The following LGSN variants were observed in gnomAD, a reference collection of about 807,000 sequenced individuals.
LGSN encodes lengsin, lens protein with glutamine synthetase domain, also known as lengsin.
Under a neutral mutation model 19.5 loss-of-function variants are expected in LGSN, and 21 were observed. The ratio of observed to expected loss-of-function variants is 1.07; its 90% CI spans 0.76 to 1.55. The LOEUF is 1.55. Among genes scored for constraint, LGSN ranks in the 40% most tolerant of loss-of-function variants. The pLI is 0.00. For missense variants in LGSN, 673 were observed against 608.5 expected (o/e 1.11, Z -1.12); for synonymous variants, 257 against 215.6 (o/e 1.19, Z -1.68).
the LGSN span, among the ~76,000 whole-genome samples, chr6:63,450,297 G>T: frequency 6.6e-6 from 1 of 151,678 alleles, no homozygotes; most frequent in Admixed American, 6.6e-5. Context: ...GGGAGGCAAA[G>T]GTTGCAGTGA....
chr6:63,505,816 C>T, the LGSN span, among the ~76,000 whole-genome samples: 81,360 of 151,822 alleles, frequency 0.54, 23,621 homozygotes, highest in African/African-American at 0.77. Context: ...TGCACCACCA[C>T]GCCCGGCTAA....
the LGSN span, among the ~76,000 whole-genome samples, chr6:63,478,666 G>A: frequency 0.012 from 1,883 of 152,182 alleles, 33 homozygotes; most frequent in African/African-American, 0.042. Context: ...TCATATAGAC[G>A]ATCATCAGTT....
intron 1 of LGSN, among the ~76,000 whole-genome samples, chr6:63,301,956 A>G (rs1358145406): frequency 6.6e-6 from 1 of 152,162 alleles, no homozygotes; most frequent in Non-Finnish European, 1.5e-5. Context: ...AACCTTTGGC[A>G]TATTTGATAG....
At position 63,277,865 on chromosome 6, in the gene LGSN, A is replaced by G. The variant is rs1383900486; in HGVS notation, c.*2156T>C. The G allele has an allele frequency of 6.6e-6, 1 of 152,304 alleles. No individual in the cohort carries two copies. Among genetic ancestry groups the G allele is most frequent in the Non-Finnish European group, 1.5e-5 (1 of 68,168 alleles). 9.4% of individuals were successfully genotyped at this position (152,304 alleles called of 1,614,324 possible). A position where few individuals can be genotyped will look rare whatever the true frequency, so the allele number is the denominator to read the frequency against. ...TTTGGGAGGCCAAGGCAGGCTGATCACCTGAGTTCAGGAGTTCAAGACCAG... is the reference window on the plus strand; with the variant it reads ...TTTGGGAGGCCAAGGCAGGCTGATCGCCTGAGTTCAGGAGTTCAAGACCAG... On this transcript the variant is annotated 3_prime_UTR_variant, in exon 4 of 4. Coordinates refer to ENST00000370657, the MANE Select transcript of LGSN (RefSeq NM_016571.3).
chr6:63,512,554 C>T, the LGSN span, among the ~76,000 whole-genome samples: 6 of 152,174 alleles, frequency 3.9e-5, no homozygotes, highest in Admixed American at 2.6e-4. Context: ...GAATTAGCTC[C>T]GTTGGCCACA....
At chr6:63,467,059 G>T in the LGSN span, among the ~76,000 whole-genome samples, 3 of 152,078 alleles carry the variant, frequency 2.0e-5, no homozygotes, top group African/African-American at 7.2e-5. Flanking sequence ...ATTCAGGTCG[G>T]AGGACTGAGC....
chr6:63,381,045 C>A, the LGSN span, among the ~76,000 whole-genome samples: 1 of 151,960 alleles, frequency 6.6e-6, no homozygotes, highest in South Asian at 2.1e-4. Context: ...AAACAAAATA[C>A]ACAAAAATTA....
At chr6:63,327,799 C>G in the LGSN span, among the ~76,000 whole-genome samples, 1 of 152,024 alleles carries the variant, frequency 6.6e-6, no homozygotes, top group Non-Finnish European at 1.5e-5. Flanking sequence ...GTCTCTTTCT[C>G]TTTCTCTTTC....
chr6:63,445,998 C>T, the LGSN span, among the ~76,000 whole-genome samples: 3 of 152,126 alleles, frequency 2.0e-5, no homozygotes, highest in Non-Finnish European at 4.4e-5. Context: ...CCTGTAATCC[C>T]AGCACTTTGG....
chr6:63,564,000 A>C, the LGSN span, among the ~76,000 whole-genome samples: 1 of 152,046 alleles, frequency 6.6e-6, no homozygotes. Flanking sequence ...AACTATATTT[A>C]ATGGTGGCTC....
the LGSN span, chr6:63,572,512 G>C: frequency 2.6e-6 from 1 of 391,278 alleles, no homozygotes; most frequent in Admixed American, 4.5e-5. Flanking sequence ...CTTCGGCTGC[G>C]GGCCGGCTCG....
At chr6:63,353,253 T>C in the LGSN span, among the ~76,000 whole-genome samples, 1 of 152,156 alleles carries the variant, frequency 6.6e-6, no homozygotes, top group Admixed American at 6.6e-5. Flanking sequence ...TTGAGCAGTC[T>C]GGCCAGAAAT....
At chr6:63,350,967 A>G in the LGSN span, among the ~76,000 whole-genome samples, 1 of 152,190 alleles carries the variant, frequency 6.6e-6, no homozygotes, top group African/African-American at 2.4e-5. Flanking sequence ...AACTATTTAC[A>G]GTGCTATATT....
chr6:63,453,945 C>T, the LGSN span, among the ~76,000 whole-genome samples: 2 of 152,082 alleles, frequency 1.3e-5, no homozygotes, highest in African/African-American at 2.4e-5. Context: ...CGTGAGCCAC[C>T]GCGCCCGGCC....
chr6:63,518,183 G>A, the LGSN span, among the ~76,000 whole-genome samples: 1 of 151,360 alleles, frequency 6.6e-6, no homozygotes, highest in Admixed American at 6.6e-5. Flanking sequence ...AATCTCAGTA[G>A]GTTTCTAGAC....
the LGSN span, among the ~76,000 whole-genome samples, chr6:63,354,178 A>C: frequency 5.3e-5 from 8 of 152,194 alleles, no homozygotes; most frequent in African/African-American, 1.2e-4. Context: ...TCTGCACAAC[A>C]AAGAAAACCA....
At chr6:63,315,608 C>A (rs1323921906) in intron 1 of LGSN, among the ~76,000 whole-genome samples, 1 of 110,366 alleles carries the variant, frequency 9.1e-6, no homozygotes. Context: ...AATGTTCTCT[C>A]TCTCTCTCTC....
At chr6:63,470,279 C>T in the LGSN span, among the ~76,000 whole-genome samples, 1 of 151,730 alleles carries the variant, frequency 6.6e-6, no homozygotes, top group Non-Finnish European at 1.5e-5. Flanking sequence ...ACCAACCTGA[C>T]TAACGTGGCA....
At chr6:63,308,495 C>T (rs1768483784) in intron 1 of LGSN, among the ~76,000 whole-genome samples, 1 of 151,958 alleles carries the variant, frequency 6.6e-6, no homozygotes, top group African/African-American at 2.4e-5. Flanking sequence ...AATGTAGACC[C>T]TAATTTGACC....
Sources: allele counts gnomAD v4.1 joint callset (sites outside exome capture counted in the v4.1 genomes callset), GRCh38; gene constraint gnomAD v4.1.1; transcripts MANE v1.5; gene names NCBI Gene and HGNC (gene_info 2026-07-23, HGNC 2026-07-21).